GNG12: variants seen among roughly 807,000 people sequenced by gnomAD.
GNG12 encodes guanine nucleotide-binding protein G(I)/G(S)/G(O) subunit gamma-12.
For synonymous variants in GNG12, 28 were observed against 29.7 expected (o/e 0.94, Z 0.19); for missense variants, 69 against 83.8 (o/e 0.82, Z 0.69).
chr1:67,769,101 C>T (rs967852089), intron 2 of GNG12, among the ~76,000 whole-genome samples: 1 of 152,174 alleles, frequency 6.6e-6, no homozygotes, highest in Non-Finnish European at 1.5e-5. Flanking sequence ...GAGACTAGTA[C>T]ATGATGGAAC....
At chr1:67,705,716 T>C (rs1646243322) in intron 3 of GNG12, 140 bp from the exon 4 acceptor site, 15 of 1,362,940 alleles carry the variant, frequency 1.1e-5, no homozygotes, top group Non-Finnish European at 1.4e-5. Flanking sequence ...ACTCTCAGAT[T>C]CTTGTCAGGT....
At chr1:67,774,073 T>TGAG (rs1646690515) in intron 2 of GNG12, among the ~76,000 whole-genome samples, 1 of 152,176 alleles carries the variant, frequency 6.6e-6, no homozygotes, top group Admixed American at 6.5e-5. Flanking sequence ...CTGTGTGGCA[T>TGAG]TATCTTTATG....
chr1:67,768,046 G>A (rs889360153), intron 2 of GNG12, among the ~76,000 whole-genome samples: 7 of 152,180 alleles, frequency 4.6e-5, no homozygotes, highest in African/African-American at 1.7e-4. Flanking sequence ...CAATGAGCTG[G>A]GACTATAGGC....
chr1:67,779,312 G>C (rs1369282074), intron 1 of GNG12, among the ~76,000 whole-genome samples: 1 of 152,142 alleles, frequency 6.6e-6, no homozygotes, highest in African/African-American at 2.4e-5. Flanking sequence ...CAGAGACGGA[G>C]GCTGGTCAGT....
intron 1 of GNG12, among the ~76,000 whole-genome samples, chr1:67,809,231 C>G (rs972848643): frequency 6.6e-6 from 1 of 151,968 alleles, no homozygotes; most frequent in East Asian, 1.9e-4. Flanking sequence ...CATTCCCTGC[C>G]CCCACCAAAA....
chr1:67,738,353 A>G (rs181860799), intron 2 of GNG12, among the ~76,000 whole-genome samples: 4 of 152,352 alleles, frequency 2.6e-5, no homozygotes, highest in African/African-American at 9.6e-5. Flanking sequence ...CAATAGCCAC[A>G]GATTAATTTA....
chr1:67,802,405 C>T (rs1010739068), intron 1 of GNG12, among the ~76,000 whole-genome samples: 2 of 152,146 alleles, frequency 1.3e-5, no homozygotes, highest in African/African-American at 4.8e-5. Flanking sequence ...CGGCCAGGCA[C>T]ATATTGGCTC....
At chr1:67,722,323 A>C (rs187660718) in intron 2 of GNG12, among the ~76,000 whole-genome samples, 13 of 152,172 alleles carry the variant, frequency 8.5e-5, no homozygotes, top group Non-Finnish European at 1.8e-4. Flanking sequence ...AGGACAGAGA[A>C]GAGTGTGTAC....
chr1:67,781,624 G>A (rs1440988304), intron 1 of GNG12, among the ~76,000 whole-genome samples: 2 of 152,120 alleles, frequency 1.3e-5, no homozygotes, highest in South Asian at 2.1e-4. Context: ...CTGTAGGGAG[G>A]AGTATTGAAG....
At position 67,821,755 on chromosome 1, in the gene GNG12, A is replaced by C. The variant is rs202041092; in HGVS notation, c.-77+11589T>G. Among the ~76,000 whole-genome samples, 19 of 150,178 alleles carry C rather than the reference A, an allele frequency of 1.3e-4. No individual in the cohort carries two copies. The East Asian group carries it at 3.8e-3, about 30-fold the overall frequency. ...CACACTCTTACAGCTGATGTGCATT[A>C]TAATTTAATCAGCAGCTTTTTTTTT... On this transcript the variant is annotated intron_variant, in intron 1 of 3. Coordinates refer to ENST00000370982, the MANE Select transcript of GNG12 (RefSeq NM_018841.6).
chr1:67,793,941 T>G lies in GNG12; in HGVS notation c.-76-16434A>C, dbSNP rs544578553. Among the ~76,000 whole-genome samples, 125 of 152,322 alleles carry G rather than the reference T, an allele frequency of 8.2e-4. 1 individual carries two copies. Among genetic ancestry groups the G allele is most frequent in the Non-Finnish European group, 1.4e-3 (98 of 68,028 alleles). On this transcript the variant is annotated intron_variant, in intron 1 of 3. Transcript: ENST00000370982. ...CACTTGACTCCAGAAAATATTTCTCTTTTGAATTCGTTTACTCTTTTCTTT... is the reference window on the plus strand; with the variant it reads ...CACTTGACTCCAGAAAATATTTCTCGTTTGAATTCGTTTACTCTTTTCTTT...
chr1:67,827,902 A>G (rs1457087499), intron 1 of GNG12, among the ~76,000 whole-genome samples: 1 of 152,232 alleles, frequency 6.6e-6, no homozygotes, highest in East Asian at 1.9e-4. Context: ...TATGATTTTC[A>G]AGAGAGACTC....
At chr1:67,729,594 T>C (rs185948127) in intron 2 of GNG12, among the ~76,000 whole-genome samples, 140 of 152,304 alleles carry the variant, frequency 9.2e-4, no homozygotes, top group African/African-American at 3.2e-3. Flanking sequence ...TGGGAGATGA[T>C]GGCAATGGCC....
At chr1:67,738,781 G>GCT (rs754736294) in intron 2 of GNG12, among the ~76,000 whole-genome samples, 17 of 152,186 alleles carry the variant, frequency 1.1e-4, no homozygotes, top group Non-Finnish European at 5.9e-5. Flanking sequence ...CTGAAGCTGG[G>GCT]GGCATGAGGA....
intron 2 of GNG12, among the ~76,000 whole-genome samples, chr1:67,754,838 T>C (rs1646559060): frequency 6.6e-6 from 1 of 152,202 alleles, no homozygotes; most frequent in Non-Finnish European, 1.5e-5. Flanking sequence ...ACTCCTTGTG[T>C]AGCAGGCACT....
chr1:67,749,089 T>C (rs971387582), intron 2 of GNG12, among the ~76,000 whole-genome samples: 3 of 152,112 alleles, frequency 2.0e-5, no homozygotes, highest in Non-Finnish European at 4.4e-5. Flanking sequence ...TCTTCCTGAA[T>C]AATGCAGGAG....
At chr1:67,754,742 C>T (rs1447583713) in intron 2 of GNG12, among the ~76,000 whole-genome samples, 1 of 152,214 alleles carries the variant, frequency 6.6e-6, no homozygotes, top group African/African-American at 2.4e-5. Flanking sequence ...CATCAGGATA[C>T]CGAGCACACT....
At position 67,705,549 on chromosome 1, in the gene GNG12, A is replaced by C; in HGVS notation, c.121T>G (p.Ser41Ala). ...KVSKASADLM[S>A]YCEEHARSDP... ...CTCCTGGCATGTTCCTCACAGTAGGACATGAGGTCCGCTGATGCCTTCGAA... is the reference window on the plus strand; with the variant it reads ...CTCCTGGCATGTTCCTCACAGTAGGCCATGAGGTCCGCTGATGCCTTCGAA... The change falls in exon 4 of 4, where the codon TCC (serine) becomes GCC (alanine). Residue 41 changes from serine to alanine, a missense_variant. Coordinates refer to ENST00000370982, the MANE Select transcript of GNG12 (RefSeq NM_018841.6). The C allele has an allele frequency of 1.2e-6, 2 of 1,613,132 alleles. No homozygotes were observed. Among genetic ancestry groups the C allele is most frequent in the South Asian group, 2.2e-5 (2 of 90,672 alleles).
chr1:67,828,986 G>A (rs536122064), intron 1 of GNG12, among the ~76,000 whole-genome samples: 1 of 152,304 alleles, frequency 6.6e-6, no homozygotes, highest in South Asian at 2.1e-4. Context: ...TTGTTTTTTA[G>A]TAACTATTAC....
Sources: allele counts gnomAD v4.1 joint callset (sites outside exome capture counted in the v4.1 genomes callset), GRCh38; gene constraint gnomAD v4.1.1; transcripts MANE v1.5; gene names NCBI Gene and HGNC (gene_info 2026-07-23, HGNC 2026-07-21).